The following ANTXR1 variants were observed in gnomAD, a reference collection of about 807,000 sequenced individuals.
The protein encoded by ANTXR1 is anthrax toxin receptor 1.
ANTXR1 carries 19 observed loss-of-function variants against 78.1 expected under a neutral mutation model. That is an observed-to-expected ratio of 0.24 (90% CI 0.17 to 0.36). The LOEUF is 0.36. Ranked by LOEUF, ANTXR1 falls within the 10% of genes least tolerant of loss-of-function variation. The pLI, the probability that ANTXR1 is intolerant of heterozygous loss-of-function variation, is 1.00. For missense variants in ANTXR1, 518 were observed against 718.6 expected, an observed-to-expected ratio of 0.72 and a Z score of 3.19; for synonymous variants, 273 against 260.5, an observed-to-expected ratio of 1.05 and a Z score of -0.46.
intron 17 of ANTXR1, among the ~76,000 whole-genome samples, chr2:69,206,705 T>C (rs6708468): frequency 0.03 from 4,517 of 152,246 alleles, 252 homozygotes; most frequent in African/African-American, 0.1. Flanking sequence ...GAGGCCACCC[T>C]CTGTGCTTGT....
At chr2:69,102,970 T>A (rs1425281875) in intron 10 of ANTXR1, 30 bp downstream of exon 10, 3 of 1,601,706 alleles carry the variant, frequency 1.9e-6, no homozygotes, top group Non-Finnish European at 2.6e-6. Context: ...ATGGGTTTCT[T>A]CGACAAGTGG....
At chr2:69,215,028 A>T (rs1435978843) in intron 17 of ANTXR1, among the ~76,000 whole-genome samples, 1 of 152,112 alleles carries the variant, frequency 6.6e-6, no homozygotes, top group Non-Finnish European at 1.5e-5. Flanking sequence ...CACGACCCAC[A>T]TCTGGTCCAC....
Position 69,189,022 on chromosome 2 carries a change from C to T in ANTXR1, c.1354-4313C>T, listed in dbSNP as rs73934783. Among the ~76,000 whole-genome samples, 915 of 152,306 alleles carry T rather than the reference C, an allele frequency of 6.0e-3. 7 individuals carry two copies. Among genetic ancestry groups the T allele is most frequent in the African/African-American group, 0.02 (838 of 41,552 alleles). ...TTTTTATTCTGATTTTGGTTGTAAA[C>T]ACTGTTTTTTCTAAAGCTTACTTCT... On this transcript the variant is annotated intron_variant, in intron 16 of 17. Coordinates refer to ENST00000303714, the MANE Select transcript of ANTXR1 (RefSeq NM_032208.3).
At chr2:69,039,060 T>C (rs1669535866) in intron 1 of ANTXR1, among the ~76,000 whole-genome samples, 1 of 152,146 alleles carries the variant, frequency 6.6e-6, no homozygotes, top group South Asian at 2.1e-4. Context: ...TGGAAAATGT[T>C]TGCAATACAC....
At chr2:69,136,705 A>T (rs1223463985) in intron 12 of ANTXR1, among the ~76,000 whole-genome samples, 2 of 152,250 alleles carry the variant, frequency 1.3e-5, no homozygotes, top group African/African-American at 4.8e-5. Context: ...TTAGCCAAGC[A>T]TAGAACACAG....
At chr2:69,208,257 A>G (rs1674954376) in intron 17 of ANTXR1, among the ~76,000 whole-genome samples, 1 of 152,162 alleles carries the variant, frequency 6.6e-6, no homozygotes, top group Admixed American at 6.5e-5. Flanking sequence ...ACTGACTCAC[A>G]TTTTTAAAAA....
chr2:69,196,383 C>G (rs931538066), intron 17 of ANTXR1, among the ~76,000 whole-genome samples: 1 of 152,214 alleles, frequency 6.6e-6, no homozygotes, highest in African/African-American at 2.4e-5. Context: ...GAAATCGATA[C>G]AGAAAATTGT....
intron 10 of ANTXR1, among the ~76,000 whole-genome samples, chr2:69,121,606 G>T (rs1403649016): frequency 6.6e-6 from 1 of 152,160 alleles, no homozygotes; most frequent in Non-Finnish European, 1.5e-5. Flanking sequence ...GTCATGACTT[G>T]CAGATATCAT....
chr2:69,183,734 C>T (rs1674343904), intron 16 of ANTXR1, among the ~76,000 whole-genome samples: 1 of 152,030 alleles, frequency 6.6e-6, no homozygotes, highest in Admixed American at 6.6e-5. Context: ...CTTTTCTATT[C>T]TTCTTGGTCC....
chr2:69,148,553 T>G (rs1673294692), intron 12 of ANTXR1, among the ~76,000 whole-genome samples: 1 of 152,160 alleles, frequency 6.6e-6, no homozygotes. Context: ...TTTAGTGAGA[T>G]GAGAAAGAGA....
chr2:69,222,664 G>A (rs953540807), intron 17 of ANTXR1, among the ~76,000 whole-genome samples: 3 of 152,206 alleles, frequency 2.0e-5, no homozygotes, highest in Non-Finnish European at 2.9e-5. Flanking sequence ...GGTGGAGAGC[G>A]AAAAGATGCT....
chr2:69,139,278 G>A (rs939267067), intron 12 of ANTXR1, among the ~76,000 whole-genome samples: 3 of 152,220 alleles, frequency 2.0e-5, no homozygotes, highest in African/African-American at 7.2e-5. Flanking sequence ...GGATGACTCA[G>A]TGGCCTCTGC....
chr2:69,068,067 C>T (rs944058750), intron 3 of ANTXR1, among the ~76,000 whole-genome samples: 2 of 152,092 alleles, frequency 1.3e-5, no homozygotes, highest in Non-Finnish European at 2.9e-5. Context: ...TCCATATGGC[C>T]AAGGGAAGCT....
intron 3 of ANTXR1, among the ~76,000 whole-genome samples, chr2:69,046,476 A>T (rs1041596426): frequency 4.2e-4 from 64 of 152,358 alleles, no homozygotes; most frequent in African/African-American, 1.4e-3. Flanking sequence ...AAGAGAAAAC[A>T]GAGGGTAGAG....
chr2:69,145,365 T>C lies in ANTXR1; in HGVS notation c.952-6804T>C, dbSNP rs781194211. The C allele has an allele frequency of 7.5e-5, 120 of 1,599,430 alleles. 1 individual carries two copies. ...TGCATCAGGCCCCACAACAGCTGCT[T>C]GCATGGAATAGCAGAGAATACCGCC... On this transcript the variant is annotated intron_variant, in intron 12 of 17. Transcript: ENST00000303714.
chr2:69,027,372 G>A (rs1263098528), intron 1 of ANTXR1, among the ~76,000 whole-genome samples: 4 of 152,176 alleles, frequency 2.6e-5, no homozygotes, highest in African/African-American at 4.8e-5. Context: ...AGCACAATGC[G>A]AACCTGAAGT....
chr2:69,072,915 A>G (rs1573841900), intron 5 of ANTXR1, 107 bp from the exon 6 acceptor site: 2 of 1,111,852 alleles, frequency 1.8e-6, no homozygotes, highest in African/African-American at 3.1e-5. Context: ...TTCTCACAAT[A>G]TTGACTTTGG....
In ANTXR1 at chr2:69,132,892, G is replaced by T. The variant is rs536249927; in HGVS notation, c.951+8249G>T. On this transcript the variant is annotated intron_variant, in intron 12 of 17. Coordinates refer to ENST00000303714, the MANE Select transcript of ANTXR1 (RefSeq NM_032208.3). ...TTGCCCTCCAGAGGCTTACAATACA[G>T]TTGCCAAGGCAGGATATATTACTTA... 4.1e-3 allele frequency among the ~76,000 whole-genome samples: 617 copies of T among 152,316 alleles called. 2 individuals carry two copies. The highest frequency in any genetic ancestry group is 6.9e-3 in the Non-Finnish European group (467 of 68,022).
chr2:69,198,678 T>C (rs1674711323), intron 17 of ANTXR1, among the ~76,000 whole-genome samples: 1 of 152,214 alleles, frequency 6.6e-6, no homozygotes, highest in African/African-American at 2.4e-5. Flanking sequence ...GCCTTTTGTT[T>C]CAAATTTAGA....
Sources: allele counts gnomAD v4.1 joint callset (sites outside exome capture counted in the v4.1 genomes callset), GRCh38; gene constraint gnomAD v4.1.1; transcripts MANE v1.5; gene names NCBI Gene and HGNC (gene_info 2026-07-23, HGNC 2026-07-21).